The following KDM3B variants were observed in gnomAD, a reference collection of about 807,000 sequenced individuals.
The protein encoded by KDM3B is lysine-specific demethylase 3B.
KDM3B carries 10 observed loss-of-function variants against 170.0 expected under a neutral mutation model. The observed-to-expected ratio is 0.06, with a 90% CI of 0.04 to 0.10. The LOEUF is 0.10. KDM3B is among the 10% of genes least tolerant of loss of function. The pLI is 1.00. For missense variants in KDM3B, 1,394 were observed against 2,195.2 expected (o/e 0.64, Z 7.29); for synonymous variants, 831 against 834.8 (o/e 1.00, Z 0.08).
rs963581306 is a variant in KDM3B, at chr5:138,386,480, T to G, written c.1239T>G (p.Val413=). The change falls in exon 7 of 24, where the codon GTT becomes GTG. Residue 413 remains valine (V), a synonymous_variant. Transcript: ENST00000314358. ...NKEAGKTLEQ[V]GQGIVASAAV... Reference sequence around the variant, plus strand: ...AGGCAGGAAAAACACTGGAACAAGTTGGCCAGGGCATAGTGGCTTCCGCAG... The same window carrying G: ...AGGCAGGAAAAACACTGGAACAAGTGGGCCAGGGCATAGTGGCTTCCGCAG... 6.2e-7 allele frequency: 1 copy of G among 1,614,174 alleles called. No individual in the cohort carries two copies. The highest frequency in any genetic ancestry group is 8.5e-7 in the Non-Finnish European group (1 of 1,180,034).
intron 9 of KDM3B, among the ~76,000 whole-genome samples, chr5:138,396,290 T>C (rs557067541): frequency 3.9e-5 from 6 of 151,990 alleles, no homozygotes; most frequent in Non-Finnish European, 8.8e-5. Flanking sequence ...AGAGACAGGG[T>C]TTCACCGTGT....
intron 10 of KDM3B, among the ~76,000 whole-genome samples, chr5:138,398,757 T>C (rs1762606334): frequency 6.6e-6 from 1 of 152,188 alleles, no homozygotes; most frequent in Non-Finnish European, 1.5e-5. Context: ...GATGGTGTGC[T>C]ACTAGGTGCC....
At chr5:138,354,574 A>G (rs928612225) in intron 1 of KDM3B, among the ~76,000 whole-genome samples, 2 of 152,174 alleles carry the variant, frequency 1.3e-5, no homozygotes, top group Admixed American at 1.3e-4. Flanking sequence ...TGAGCTCTGC[A>G]CCTGAAATGG....
Position 138,417,494 on chromosome 5 carries a change from A to G in KDM3B, c.3319A>G (p.Ile1107Val), listed in dbSNP as rs934304338. 2.5e-6 allele frequency: 4 copies of G among 1,614,024 alleles called. No homozygotes were observed. The highest frequency in any genetic ancestry group is 1.3e-5 in the African/African-American group (1 of 74,916). The change falls in exon 13 of 24, where the codon ATT (isoleucine) becomes GTT (valine). Residue 1107 changes from isoleucine to valine, a missense_variant. By Grantham distance (29) the Ile-to-Val change is conservative. Transcript: ENST00000314358. ...QIIPGTALYN[I>V]GDMVHAARGK... ...CATTTTTTTCCCAGCTCTTTACAAT[A>G]TTGGAGACATGGTACATGCTGCCCG...
At chr5:138,422,755 T>C (rs1763304181) in intron 15 of KDM3B, among the ~76,000 whole-genome samples, 2 of 152,194 alleles carry the variant, frequency 1.3e-5, no homozygotes, top group African/African-American at 4.8e-5. Flanking sequence ...TATTATCATA[T>C]GTATGTTTTT....
rs1167113175 is a variant in KDM3B at position 138,417,568 on chromosome 5, C to T, written c.3393C>T (p.Asn1131=). 8 of 1,613,940 alleles carry T rather than the reference C, an allele frequency of 5.0e-6. No individual in the cohort carries two copies. Among genetic ancestry groups the T allele is most frequent in the African/African-American group, 1.3e-5 (1 of 74,890 alleles). ...ACTGCCCTTGTATCAGTCGACAGAA[C>T]AAATCTGTATTGAGACCTGCCGTCA... The part of the protein sequence containing the change: ...KANCPCISRQ[N]KSVLRPAVTN... The change falls in exon 13 of 24, where the codon AAC becomes AAT. Residue 1131 remains asparagine, a synonymous_variant. Coordinates refer to ENST00000314358, the MANE Select transcript of KDM3B (RefSeq NM_016604.4).
In KDM3B at chr5:138,352,907, C is replaced by G; in HGVS notation, c.112C>G (p.Pro38Ala). Residue 38 changes from proline to alanine, a missense_variant, in exon 1 of 24, where the codon CCG (proline) becomes GCG (alanine). This residue lies in a region of KDM3B where 99 missense variants were observed against 97.5 expected (regional missense o/e 1.02). Transcript: ENST00000314358. ...CGCGGCGGCAGCGGCGAGCGGAGAT[C>G]CGGGGCCTGCGCTGCGCACTCGAGC... is the stretch of plus-strand genomic sequence containing the variant. ...APAAAAASGD[P>A]GPALRTRAWR... The G allele has an allele frequency of 2.9e-6, 4 of 1,372,624 alleles. No individual in the cohort carries two copies. Among genetic ancestry groups the G allele is most frequent in the Non-Finnish European group, 3.8e-6 (4 of 1,061,106 alleles). The allele number at this position is 1,372,624 out of a possible 1,614,324, so 85.0% of individuals were successfully genotyped here. A position where few individuals can be genotyped will look rare whatever the true frequency, so the allele number is the denominator to read the frequency against.
At chr5:138,407,833 C>G (rs1191536267) in intron 11 of KDM3B, among the ~76,000 whole-genome samples, 1 of 152,124 alleles carries the variant, frequency 6.6e-6, no homozygotes, top group Non-Finnish European at 1.5e-5. Flanking sequence ...AAAGAGTCCT[C>G]GTCCAACAGC....
At chr5:138,383,671 G>C (rs1762180318) in intron 6 of KDM3B, among the ~76,000 whole-genome samples, 2 of 152,132 alleles carry the variant, frequency 1.3e-5, no homozygotes, top group South Asian at 4.1e-4. Context: ...GGTGGTGATA[G>C]AGATTGAGAA....
At position 138,374,505 on chromosome 5, in the gene KDM3B, G is replaced by A. The variant is rs563129947; in HGVS notation, c.361-588G>A. ...GATCTCCTGACCTCGTGATCCACCC[G>A]CCTCGGCCTCCCAAAGTGCTGGGAT... On this transcript the variant is annotated intron_variant, in intron 2 of 23. Coordinates refer to ENST00000314358, the MANE Select transcript of KDM3B (RefSeq NM_016604.4). Among the ~76,000 whole-genome samples the A allele has an allele frequency of 6.0e-4, 92 of 152,202 alleles. 2 individuals carry two copies. Among genetic ancestry groups the A allele is most frequent in the African/African-American group, 2.0e-3 (83 of 41,548 alleles).
At chr5:138,421,312 C>T (rs962625867) in intron 15 of KDM3B, among the ~76,000 whole-genome samples, 3 of 152,092 alleles carry the variant, frequency 2.0e-5, no homozygotes, top group Admixed American at 6.6e-5. Context: ...ACCTTTAATG[C>T]GCCTAAGCCT....
chr5:138,431,630 A>T, intron 23 of KDM3B, 71 bp downstream of exon 23: 1 of 1,312,178 alleles, frequency 7.6e-7, no homozygotes, highest in Non-Finnish European at 1.0e-6. Flanking sequence ...CAGAAAGCAC[A>T]TTCTCCTTTC....
intron 16 of KDM3B, 89 bp from the exon 17 acceptor site, chr5:138,425,322 C>T: frequency 2.5e-6 from 3 of 1,204,244 alleles, no homozygotes; most frequent in Non-Finnish European, 2.3e-6. Flanking sequence ...AGAGGAGGCC[C>T]TCCTCAGGAA....
At chr5:138,392,384 G>A (rs1762457342) in intron 8 of KDM3B, 123 bp downstream of exon 8, 10 of 1,053,584 alleles carry the variant, frequency 9.5e-6, no homozygotes, top group Non-Finnish European at 1.3e-5. Flanking sequence ...GAATTACAGA[G>A]CCAAGAGGAC....
intron 6 of KDM3B, among the ~76,000 whole-genome samples, chr5:138,385,609 G>A (rs1429674778): frequency 2.0e-5 from 3 of 152,194 alleles, no homozygotes; most frequent in Admixed American, 6.5e-5. Context: ...TCCTATTTCA[G>A]TACTTAAAAT....
rs1762431007 is a variant in KDM3B at position 138,391,609 on chromosome 5, C to T, written c.1977C>T (p.Ser659=). Residue 659 remains serine, a synonymous_variant, in exon 8 of 24, where the codon AGC becomes AGT. Transcript: ENST00000314358. The surrounding 1 kb of genome is among the most constrained non-coding windows in gnomAD (Gnocchi z 5.0). ...FSSFASQASG[S]SSSATTVTSK... ...GTTTTGCATCTCAGGCATCAGGTAG[C>T]TCCTCTTCTGCTACCACTGTCACCT... is the stretch of plus-strand genomic sequence containing the variant. 1 of 1,614,036 alleles carries T rather than the reference C, an allele frequency of 6.2e-7. No individual in the cohort carries two copies. Among genetic ancestry groups the T allele is most frequent in the Non-Finnish European group, 8.5e-7 (1 of 1,180,044 alleles).
intron 10 of KDM3B, 38 bp from the exon 11 acceptor site, chr5:138,399,822 G>C: frequency 6.2e-7 from 1 of 1,600,116 alleles, no homozygotes; most frequent in South Asian, 1.1e-5. Context: ...TTATTGGTCA[G>C]GATGATCAAT....
chr5:138,431,667 G>A (rs1763534913), intron 23 of KDM3B, 108 bp downstream of exon 23: 1 of 1,020,882 alleles, frequency 9.8e-7, no homozygotes, highest in South Asian at 2.7e-5. Context: ...AGGTCTAATT[G>A]TGGAGGAGAA....
At chr5:138,426,489 G>C (rs1344711770) in intron 17 of KDM3B, among the ~76,000 whole-genome samples, 2 of 150,992 alleles carry the variant, frequency 1.3e-5, no homozygotes, top group Non-Finnish European at 3.0e-5. Flanking sequence ...CCAGGAGAAT[G>C]GCATGAACCT....
Sources: allele counts gnomAD v4.1 joint callset (sites outside exome capture counted in the v4.1 genomes callset), GRCh38; gene constraint gnomAD v4.1.1; regional missense constraint gnomAD v4.1.1; non-coding constraint Gnocchi (gnomAD v3.1); transcripts MANE v1.5; gene names NCBI Gene and HGNC (gene_info 2026-07-23, HGNC 2026-07-21).